The following METTL15 variants were observed in gnomAD, a reference collection of about 807,000 sequenced individuals.
METTL15 encodes the protein methyltransferase 15, mitochondrial 12S rRNA N4-cytidine, also known as 12S rRNA N(4)-cytidine methyltransferase METTL15.
METTL15 carries 34 observed loss-of-function variants against 38.3 expected under a neutral mutation model. The observed-to-expected ratio is 0.89, with a 90% CI of 0.68 to 1.18. METTL15 has a LOEUF of 1.18. Ranked by LOEUF, METTL15 falls within the 50% of genes most tolerant of loss-of-function variation. The pLI, the probability that METTL15 is intolerant of heterozygous loss-of-function variation, is 0.00. For synonymous variants in METTL15, 162 were observed against 170.9 expected (o/e 0.95, Z 0.41); for missense variants, 438 against 498.4 (o/e 0.88, Z 1.15).
intron 3 of METTL15, among the ~76,000 whole-genome samples, chr11:28,146,434 C>G (rs1417641216): frequency 1.3e-5 from 2 of 152,004 alleles, no homozygotes; most frequent in Non-Finnish European, 2.9e-5. Context: ...TGATTGACAT[C>G]CTACCAAAGT....
chr11:28,466,129 C>A (rs1851254831), intron 6 of METTL15, among the ~76,000 whole-genome samples: 1 of 152,130 alleles, frequency 6.6e-6, no homozygotes, highest in Non-Finnish European at 1.5e-5. Flanking sequence ...AACAGCCAGG[C>A]CAACAACAAT....
intron 6 of METTL15, among the ~76,000 whole-genome samples, chr11:28,515,602 T>A (rs759045077): frequency 3.3e-5 from 5 of 152,246 alleles, no homozygotes; most frequent in Non-Finnish European, 5.9e-5. Context: ...GTTTATGTAT[T>A]GCCATGCCTA....
intron 3 of METTL15, among the ~76,000 whole-genome samples, chr11:28,132,398 G>A (rs1849368141): frequency 6.6e-6 from 1 of 151,908 alleles, no homozygotes; most frequent in South Asian, 2.1e-4. Context: ...TTTTATGTGA[G>A]AAAAATTGAA....
Position 28,296,863 on chromosome 11 carries a change from C to T in METTL15, c.710C>T (p.Ser237Leu), listed in dbSNP as rs553789388. The change falls in exon 6 of 7, where the codon TCA becomes TTA. Residue 237 changes from serine (S) to leucine (L), a missense_variant. Physicochemically the swap from Ser to Leu is moderately radical, Grantham distance 145 (BLOSUM62 -2). Transcript: ENST00000407364. Reference protein sequence around the residue: ...GEEKHAKKIASAIVQARSIYP... With the variant: ...GEEKHAKKIALAIVQARSIYP... ...GAGAAGCATGCCAAGAAAATCGCTT[C>T]AGCAATTGTTCAGGCACGCAGCATC... is the stretch of plus-strand genomic sequence containing the variant. 3.8e-5 allele frequency: 61 copies of T among 1,613,584 alleles called. No homozygotes were observed. The South Asian group carries it at 6.0e-4, about 16-fold the overall frequency.
chr11:28,379,395 G>C (rs1029802041), intron 5 of METTL15, among the ~76,000 whole-genome samples: 2 of 151,508 alleles, frequency 1.3e-5, no homozygotes, highest in Admixed American at 1.3e-4. Flanking sequence ...CATAGATTTT[G>C]GTCTGTTGTA....
chr11:28,321,700 G>A (rs182813754), intron 6 of METTL15, among the ~76,000 whole-genome samples: 10 of 152,006 alleles, frequency 6.6e-5, no homozygotes, highest in African/African-American at 1.4e-4. Context: ...ATTGGAATAC[G>A]CAAGATAATT....
intron 3 of METTL15, chr11:28,134,672 G>A: frequency 2.5e-6 from 1 of 398,206 alleles, no homozygotes; most frequent in Non-Finnish European, 4.4e-6. Flanking sequence ...TGGGAAGAAT[G>A]GCATGTCCAT....
At chr11:28,378,250 C>G (rs1334430554) in intron 5 of METTL15, among the ~76,000 whole-genome samples, 1 of 152,244 alleles carries the variant, frequency 6.6e-6, no homozygotes, top group East Asian at 1.9e-4. Flanking sequence ...CGCCCCTCCC[C>G]CAGCCTCACT....
At chr11:28,300,642 A>G (rs1331700395) in intron 6 of METTL15, among the ~76,000 whole-genome samples, 1 of 152,164 alleles carries the variant, frequency 6.6e-6, no homozygotes, top group Admixed American at 6.6e-5. Context: ...GAGAATTCCA[A>G]AAACAACCTG....
At chr11:28,227,216 A>G (rs1419955291) in intron 4 of METTL15, among the ~76,000 whole-genome samples, 1 of 151,836 alleles carries the variant, frequency 6.6e-6, no homozygotes, top group Non-Finnish European at 1.5e-5. Context: ...GCAATCTACT[A>G]GTTTTGACGG....
At chr11:28,310,184 A>G (rs993501349) in intron 6 of METTL15, among the ~76,000 whole-genome samples, 1 of 152,212 alleles carries the variant, frequency 6.6e-6, no homozygotes, top group Non-Finnish European at 1.5e-5. Context: ...CTTAGAAACT[A>G]TAAGTAGATG....
intron 6 of METTL15, among the ~76,000 whole-genome samples, chr11:28,501,962 G>A (rs1325042245): frequency 6.6e-6 from 1 of 152,070 alleles, no homozygotes; most frequent in Non-Finnish European, 1.5e-5. Flanking sequence ...TTAGCCGGGC[G>A]TGGTGGCGGG....
intron 6 of METTL15, among the ~76,000 whole-genome samples, chr11:28,490,094 G>A (rs1851482099): frequency 6.6e-6 from 1 of 152,090 alleles, no homozygotes; most frequent in Admixed American, 6.6e-5. Flanking sequence ...AAGGAGTGAG[G>A]AAGATCAGTT....
intron 3 of METTL15, among the ~76,000 whole-genome samples, chr11:28,210,017 A>G (rs1346770510): frequency 6.6e-6 from 1 of 152,024 alleles, no homozygotes; most frequent in East Asian, 1.9e-4. Flanking sequence ...CTTTGAGGGA[A>G]TATGTGGAGA....
At chr11:28,421,811 T>G (rs1323831873) in intron 5 of METTL15, among the ~76,000 whole-genome samples, 22 of 152,010 alleles carry the variant, frequency 1.4e-4, no homozygotes, top group Admixed American at 1.2e-3. Context: ...CTACTGTTAT[T>G]CAACATAGTA....
chr11:28,180,693 A>G (rs1425965142), intron 3 of METTL15, among the ~76,000 whole-genome samples: 4 of 151,838 alleles, frequency 2.6e-5, no homozygotes, highest in Non-Finnish European at 5.9e-5. Flanking sequence ...TGAGATGACA[A>G]AAAGTGAGGT....
At chr11:28,387,398 G>T (rs949789832) in intron 5 of METTL15, among the ~76,000 whole-genome samples, 1 of 151,756 alleles carries the variant, frequency 6.6e-6, no homozygotes, top group African/African-American at 2.4e-5. Context: ...AAAAGATCAT[G>T]ATATAATAGT....
At chr11:28,422,998 A>G (rs891369532) in intron 5 of METTL15, among the ~76,000 whole-genome samples, 10 of 151,734 alleles carry the variant, frequency 6.6e-5, no homozygotes, top group Non-Finnish European at 1.2e-4. Context: ...CAAATTTTAT[A>G]GGGGAAAAAA....
At chr11:28,446,846 C>G (rs1219643682) in intron 6 of METTL15, among the ~76,000 whole-genome samples, 1 of 152,006 alleles carries the variant, frequency 6.6e-6, no homozygotes, top group Non-Finnish European at 1.5e-5. Context: ...ATCACATTCC[C>G]CAAACTGAAC....
Sources: allele counts gnomAD v4.1 joint callset (sites outside exome capture counted in the v4.1 genomes callset), GRCh38; gene constraint gnomAD v4.1.1; transcripts MANE v1.5; gene names NCBI Gene and HGNC (gene_info 2026-07-23, HGNC 2026-07-21).